TNFAIP8L1: variants seen among roughly 807,000 people sequenced by gnomAD.
TNFAIP8L1 encodes the protein TNF alpha induced protein 8 like 1.
For missense variants in TNFAIP8L1, 225 were observed against 266.1 expected (o/e 0.85, Z 1.08); for synonymous variants, 127 against 125.6 (o/e 1.01, Z -0.08).
rs1367282148 is a variant in TNFAIP8L1 at position 4,645,207 on chromosome 19, C to T, written c.-4+5578C>T. On this transcript the variant is annotated intron_variant, in intron 1 of 1. Transcript: ENST00000327473. This position sits in a 1 kb window ranked among gnomAD's most constrained non-coding sequence, Gnocchi z 4.1. ...ACCTCCTGTGTTTTCAGGAATTTTGCCATCTGGTAGTTAAACGCAGCCATT... is the reference window on the plus strand; with the variant it reads ...ACCTCCTGTGTTTTCAGGAATTTTGTCATCTGGTAGTTAAACGCAGCCATT... 6.6e-6 allele frequency among the ~76,000 whole-genome samples: 1 copy of T among 152,126 alleles called. No individual in the cohort carries two copies. Among genetic ancestry groups the T allele is most frequent in the Non-Finnish European group, 1.5e-5 (1 of 68,028 alleles).
At chr19:4,647,609 CTTTT>C (rs57985958) in intron 1 of TNFAIP8L1, among the ~76,000 whole-genome samples, 45 of 80,558 alleles carry the variant, frequency 5.6e-4, no homozygotes, top group African/African-American at 1.8e-3. Context: ...GTGCACCTGG[CTTTT>C]TTTTTTTTTT....
intron 1 of TNFAIP8L1, among the ~76,000 whole-genome samples, chr19:4,644,797 C>T (rs959129850): frequency 1.3e-5 from 2 of 151,894 alleles, no homozygotes; most frequent in Non-Finnish European, 1.5e-5. Flanking sequence ...GATGGGGTTT[C>T]ACCATGTTGG....
Position 4,652,716 on chromosome 19 carries a change from G to A in TNFAIP8L1, c.*286G>A, listed in dbSNP as rs2088382029. On this transcript the variant is annotated 3_prime_UTR_variant, in exon 2 of 2. Coordinates refer to ENST00000327473, the MANE Select transcript of TNFAIP8L1 (RefSeq NM_152362.3). ...CACCCGTTTGTACTTTCTGGGCCAC[G>A]CCGACCCCTGGGTCGCTTGATGTAA... 1.4e-5 allele frequency: 6 copies of A among 414,966 alleles called. No homozygotes were observed. Among genetic ancestry groups the A allele is most frequent in the South Asian group, 1.5e-4 (2 of 13,032 alleles). The allele number at this position is 414,966 out of a possible 1,614,324, so 25.7% of individuals were successfully genotyped here.
At position 4,645,025 on chromosome 19, in the gene TNFAIP8L1, C is replaced by T. The variant is rs2088297430; in HGVS notation, c.-4+5396C>T. On this transcript the variant is annotated intron_variant, in intron 1 of 1. Coordinates refer to ENST00000327473, the MANE Select transcript of TNFAIP8L1 (RefSeq NM_152362.3). This position sits in a 1 kb window ranked among gnomAD's most constrained non-coding sequence, Gnocchi z 4.1. ...CCCCCCTGGGCCCCCGGACTGAGTG[C>T]AGCCGGGGCTGAGACAAGACAGATG... Among the ~76,000 whole-genome samples the T allele has an allele frequency of 6.6e-6, 1 of 152,210 alleles. No individual in the cohort carries two copies. The highest frequency in any genetic ancestry group is 1.5e-5 in the Non-Finnish European group (1 of 68,032).
chr19:4,650,650 T>C (rs2088353404), intron 1 of TNFAIP8L1, among the ~76,000 whole-genome samples: 1 of 151,894 alleles, frequency 6.6e-6, no homozygotes, highest in Non-Finnish European at 1.5e-5. Context: ...CTGGCCAGGC[T>C]CTCACCTTGG....
intron 1 of TNFAIP8L1, among the ~76,000 whole-genome samples, chr19:4,646,163 C>T (rs2088308980): frequency 6.6e-6 from 1 of 152,130 alleles, no homozygotes; most frequent in Non-Finnish European, 1.5e-5. Flanking sequence ...AGTTTTTGCA[C>T]CCAGGCTGGA....
rs79404105 is a variant in TNFAIP8L1, at chr19:4,645,267, G to T, written c.-4+5638G>T. Among the ~76,000 whole-genome samples, 1 of 152,184 alleles carries T rather than the reference G, an allele frequency of 6.6e-6. No homozygotes were observed. The highest frequency in any genetic ancestry group is 1.9e-4 in the East Asian group (1 of 5,186). On this transcript the variant is annotated intron_variant, in intron 1 of 1. Coordinates refer to ENST00000327473, the MANE Select transcript of TNFAIP8L1 (RefSeq NM_152362.3). The surrounding 1 kb of genome is among the most constrained non-coding windows in gnomAD (Gnocchi z 4.1). ...GGGAGAATATAAACTTATAGTTAAGGCTGGGCGTGGTGGCTCCCACCTGTA... is the reference window on the plus strand; with the variant it reads ...GGGAGAATATAAACTTATAGTTAAGTCTGGGCGTGGTGGCTCCCACCTGTA...
rs57985958 is a variant in TNFAIP8L1 at position 4,647,609 on chromosome 19, CTTTTTT to C, written c.-3-4239_-3-4234del. On this transcript the variant is annotated intron_variant, in intron 1 of 1. Coordinates refer to ENST00000327473, the MANE Select transcript of TNFAIP8L1 (RefSeq NM_152362.3). Reference sequence around the variant, plus strand: ...TACAGGTGTGAGTCAGTGCACCTGGCTTTTTTTTTTTTTTTTTTTTTTTTCCTTTTG... The same window carrying C: ...TACAGGTGTGAGTCAGTGCACCTGGCTTTTTTTTTTTTTTTTTTCCTTTTG... Among the ~76,000 whole-genome samples, 5 of 80,558 alleles carry C rather than the reference CTTTTTT, an allele frequency of 6.2e-5. No homozygotes were observed. The East Asian group carries it at 1.7e-3, about 27-fold the overall frequency. 52.8% of individuals were successfully genotyped at this position (80,558 alleles called of 152,430 possible).
At chr19:4,647,798 A>T (rs1278947103) in intron 1 of TNFAIP8L1, among the ~76,000 whole-genome samples, 6 of 151,022 alleles carry the variant, frequency 4.0e-5, no homozygotes, top group South Asian at 2.1e-4. Context: ...AATTAAAAAA[A>T]ATTTTTTTTT....
chr19:4,648,569 G>GC, intron 1 of TNFAIP8L1, among the ~76,000 whole-genome samples: 1 of 152,336 alleles, frequency 6.6e-6, no homozygotes, highest in African/African-American at 2.4e-5. Flanking sequence ...ACAGCTGCTT[G>GC]CCCCCCATCC....
At chr19:4,643,989 G>A (rs1364686289) in intron 1 of TNFAIP8L1, among the ~76,000 whole-genome samples, 3 of 152,078 alleles carry the variant, frequency 2.0e-5, no homozygotes, top group Non-Finnish European at 4.4e-5. Context: ...GGGTGGCCGA[G>A]GCGGGTGGAT....
intron 1 of TNFAIP8L1, chr19:4,640,362 G>C (rs569056174): frequency 6.6e-5 from 10 of 152,268 alleles, no homozygotes; most frequent in African/African-American, 1.9e-4. Context: ...CTCTATGGAG[G>C]GGGGAAGGGC....
intron 1 of TNFAIP8L1, among the ~76,000 whole-genome samples, chr19:4,648,894 G>C (rs1034732528): frequency 6.6e-5 from 10 of 151,716 alleles, no homozygotes; most frequent in African/African-American, 1.9e-4. Flanking sequence ...CCAGGGGTTC[G>C]GGAGTTTCCT....
In TNFAIP8L1 at chr19:4,652,264, GTC is replaced by G. The variant is rs774989609; in HGVS notation, c.396_397del (p.His134ProfsTer103). The G allele has an allele frequency of 6.4e-7, 1 of 1,563,248 alleles. No homozygotes were observed. Among genetic ancestry groups the G allele is most frequent in the Non-Finnish European group, 8.6e-7 (1 of 1,157,890 alleles). ...CGCGACCTGCTGCACCAGGCCGTGG[GTC>G]CCCACCTGACCGCCAAGTCCCACGG... On this transcript the variant is annotated frameshift_variant, in exon 2 of 2. Transcript: ENST00000327473. LOFTEE classifies it low-confidence loss of function (END_TRUNC).
chr19:4,647,582 A>G (rs997412779), intron 1 of TNFAIP8L1, among the ~76,000 whole-genome samples: 6 of 132,128 alleles, frequency 4.5e-5, no homozygotes, highest in Non-Finnish European at 9.5e-5. Context: ...AAGTGCTGGG[A>G]TTACAGGTGT....
At position 4,652,600 on chromosome 19, in the gene TNFAIP8L1, A is replaced by T. The variant is rs945961486; in HGVS notation, c.*170A>T. The T allele has an allele frequency of 1.5e-6, 1 of 651,450 alleles. No homozygotes were observed. The highest frequency in any genetic ancestry group is 2.5e-6 in the Non-Finnish European group (1 of 400,006). 40.4% of individuals were successfully genotyped at this position (651,450 alleles called of 1,614,324 possible). On this transcript the variant is annotated 3_prime_UTR_variant, in exon 2 of 2. Coordinates refer to ENST00000327473, the MANE Select transcript of TNFAIP8L1 (RefSeq NM_152362.3). ...TTTGAGAGGATGCTGAGGCATCTGT[A>T]GCAGCTGTTTCAAACACCAATGTCA...
chr19:4,651,739 C>T (rs540925262), intron 1 of TNFAIP8L1, 128 bp from the exon 2 acceptor site: 4 of 1,075,578 alleles, frequency 3.7e-6, no homozygotes, highest in Admixed American at 2.9e-5. Flanking sequence ...TGAGCCACTG[C>T]GTCCGGCATG....
Position 4,653,651 on chromosome 19 carries a change from A to ACT in TNFAIP8L1, c.*1221_*1222insCT, listed in dbSNP as rs991705320. 2 of 150,746 alleles carry ACT rather than the reference A, an allele frequency of 1.3e-5. No individual in the cohort carries two copies. The highest frequency in any genetic ancestry group is 4.9e-5 in the African/African-American group (2 of 40,912). 9.3% of individuals were successfully genotyped at this position (150,746 alleles called of 1,614,324 possible). On this transcript the variant is annotated 3_prime_UTR_variant, in exon 2 of 2. Transcript: ENST00000327473. ...GTGCCTGTAGTCCCAGCTACTTGGG[A>ACT]GGCTGAGGCAGGAGAATCGCTTGAA...
At chr19:4,646,327 A>G (rs2088311108) in intron 1 of TNFAIP8L1, among the ~76,000 whole-genome samples, 1 of 145,118 alleles carries the variant, frequency 6.9e-6, no homozygotes, top group African/African-American at 2.6e-5. Context: ...GGGTCTCACT[A>G]TGTTGGCCAG....
Sources: allele counts gnomAD v4.1 joint callset (sites outside exome capture counted in the v4.1 genomes callset), GRCh38; gene constraint gnomAD v4.1.1; non-coding constraint Gnocchi (gnomAD v3.1); transcripts MANE v1.5; gene names NCBI Gene and HGNC (gene_info 2026-07-23, HGNC 2026-07-21).